PTPRG: variants seen among roughly 807,000 people sequenced by gnomAD.
The protein encoded by PTPRG is protein tyrosine phosphatase receptor type G.
Under a neutral mutation model 165.3 loss-of-function variants are expected in PTPRG, and 102 were observed. The observed-to-expected ratio is 0.62, with a 90% CI of 0.53 to 0.73. PTPRG has a LOEUF of 0.73. Ranked by LOEUF, PTPRG falls within the 30% of genes least tolerant of loss-of-function variation. The pLI, the probability that PTPRG is intolerant of heterozygous loss-of-function variation, is 0.00. For missense variants in PTPRG, 1,866 were observed against 1,861.4 expected (o/e 1.00, Z -0.05); for synonymous variants, 675 against 669.5 (o/e 1.01, Z -0.13).
At chr3:61,737,965 G>C (rs893853092) in intron 1 of PTPRG, among the ~76,000 whole-genome samples, 2 of 149,546 alleles carry the variant, frequency 1.3e-5, no homozygotes, top group Non-Finnish European at 3.0e-5. Context: ...CTGGAGTGCA[G>C]TGGCGCGATC....
At chr3:61,886,965 A>G (rs986719635) in intron 2 of PTPRG, among the ~76,000 whole-genome samples, 1 of 151,298 alleles carries the variant, frequency 6.6e-6, no homozygotes, top group South Asian at 2.1e-4. Flanking sequence ...AACAGCGCAC[A>G]GTGTTCATGG....
intron 4 of PTPRG, among the ~76,000 whole-genome samples, chr3:62,030,278 C>G (rs1699723092): frequency 6.6e-6 from 1 of 151,772 alleles, no homozygotes; most frequent in Non-Finnish European, 1.5e-5. Context: ...CCCTCTCACC[C>G]AAAGCTTAAT....
At position 61,562,203 on chromosome 3, in the gene PTPRG, G is replaced by A. The variant is rs1699773126; in HGVS notation, c.-85G>A. On this transcript the variant is annotated 5_prime_UTR_variant, in exon 1 of 30. Coordinates refer to ENST00000474889, the MANE Select transcript of PTPRG (RefSeq NM_002841.4). The stretch of plus-strand genomic sequence containing the variant: ...GCGGGCGAGCCGGGGAAGCGCCCCG[G>A]CTTAGCGGAGGCTCGCACGGAGGCA... 1.6e-6 allele frequency: 2 copies of A among 1,288,114 alleles called. No homozygotes were observed. Among genetic ancestry groups the A allele is most frequent in the Middle Eastern group, 2.2e-4 (1 of 4,594 alleles). 79.8% of individuals were successfully genotyped at this position (1,288,114 alleles called of 1,614,324 possible).
At chr3:61,920,508 G>C (rs1379222862) in intron 2 of PTPRG, among the ~76,000 whole-genome samples, 1 of 152,138 alleles carries the variant, frequency 6.6e-6, no homozygotes, top group African/African-American at 2.4e-5. Context: ...TAATTCTCCT[G>C]CCTCAGCCTC....
chr3:61,577,817 T>C (rs1323041702), intron 1 of PTPRG, among the ~76,000 whole-genome samples: 1 of 152,190 alleles, frequency 6.6e-6, no homozygotes. Flanking sequence ...CTTCAAAATG[T>C]AGGGCTAAGA....
At chr3:62,284,051 A>G (rs1422456052) in intron 28 of PTPRG, among the ~76,000 whole-genome samples, 1 of 152,118 alleles carries the variant, frequency 6.6e-6, no homozygotes, top group African/African-American at 2.4e-5. Context: ...CAGTTACAGC[A>G]TAAAGTTAGG....
rs116644504 is a variant in PTPRG, at chr3:62,164,532, G to A, written c.841-3439G>A. Among the ~76,000 whole-genome samples the A allele has an allele frequency of 4.7e-3, 713 of 152,178 alleles. 4 individuals are homozygous for A. The highest frequency in any genetic ancestry group is 0.015 in the African/African-American group (622 of 41,506). ...AAGCTCGTCCTCCTTTCCCTCTTTT[G>A]TATGACTGTCAAGCGCAACTGTGAT... On this transcript the variant is annotated intron_variant, in intron 7 of 29. Transcript: ENST00000474889.
chr3:61,640,388 C>A (rs551024461), intron 1 of PTPRG, among the ~76,000 whole-genome samples: 1 of 152,260 alleles, frequency 6.6e-6, no homozygotes, highest in East Asian at 1.9e-4. Context: ...GCTTTCTCTC[C>A]AGTGTATATG....
chr3:61,672,119 A>G (rs1703026131), intron 1 of PTPRG, among the ~76,000 whole-genome samples: 1 of 144,724 alleles, frequency 6.9e-6, no homozygotes, highest in Admixed American at 6.8e-5. Context: ...ATCTCAGACG[A>G]TGGGCGGCCG....
intron 2 of PTPRG, among the ~76,000 whole-genome samples, chr3:61,904,983 CTTTTCCTGCACTTTGATGAAGG>C (rs2038605612): frequency 6.6e-6 from 1 of 151,750 alleles, no homozygotes; most frequent in African/African-American, 2.4e-5. Context: ...TGCTGTCTGT[CTTTTCCTGCACTTTGATGAAGG>C]AAAGGCTTTT....
chr3:61,964,160 A>G (rs2040216790), intron 2 of PTPRG, among the ~76,000 whole-genome samples: 3 of 152,230 alleles, frequency 2.0e-5, no homozygotes, highest in Admixed American at 6.5e-5. Flanking sequence ...TTAATGTGTT[A>G]TCTTTTCAGA....
At chr3:62,187,284 C>T (rs1699687205) in intron 8 of PTPRG, among the ~76,000 whole-genome samples, 1 of 152,190 alleles carries the variant, frequency 6.6e-6, no homozygotes, top group Admixed American at 6.5e-5. Context: ...GAATTCAGTG[C>T]CAAGAATACA....
chr3:61,768,603 G>C (rs2034108963), intron 2 of PTPRG, among the ~76,000 whole-genome samples: 1 of 152,170 alleles, frequency 6.6e-6, no homozygotes. Context: ...CTGTGACCAT[G>C]GAAGATTGGG....
At chr3:61,612,462 G>A (rs17065078) in intron 1 of PTPRG, among the ~76,000 whole-genome samples, 1 of 152,114 alleles carries the variant, frequency 6.6e-6, no homozygotes, top group Non-Finnish European at 1.5e-5. Flanking sequence ...GGTAGTTCTC[G>A]GCAGTACTGC....
At chr3:62,081,309 CATAG>C (rs1361608594) in intron 5 of PTPRG, among the ~76,000 whole-genome samples, 2 of 151,612 alleles carry the variant, frequency 1.3e-5, no homozygotes, top group African/African-American at 4.9e-5. Flanking sequence ...CATAATTTTA[CATAG>C]ATAGCAGCTG....
rs1419741561 is a variant in PTPRG at position 62,273,955 on chromosome 3, A to G, written c.3465+111A>G. 3.7e-6 allele frequency: 4 copies of G among 1,074,986 alleles called. No homozygotes were observed. Among genetic ancestry groups the G allele is most frequent in the African/African-American group, 3.2e-5 (2 of 62,806 alleles). The allele number at this position is 1,074,986 out of a possible 1,614,324, so 66.6% of individuals were successfully genotyped here. The stretch of plus-strand genomic sequence containing the variant: ...AATGTATACACCGAAATGGATTACT[A>G]TTTGTACTCCTTGTACTCCTTAAAT... On this transcript the variant is annotated intron_variant, in intron 23 of 29. Coordinates refer to ENST00000474889, the MANE Select transcript of PTPRG (RefSeq NM_002841.4). The surrounding 1 kb of genome is among the most constrained non-coding windows in gnomAD (Gnocchi z 4.1).
chr3:61,804,075 T>A (rs1980281), intron 2 of PTPRG, among the ~76,000 whole-genome samples: 1 of 152,150 alleles, frequency 6.6e-6, no homozygotes, highest in South Asian at 2.1e-4. Flanking sequence ...CCAGGGCTCC[T>A]GGGAAAAAGC....
chr3:62,019,332 G>T (rs764295514), intron 4 of PTPRG, among the ~76,000 whole-genome samples: 7 of 152,006 alleles, frequency 4.6e-5, no homozygotes, highest in Non-Finnish European at 8.8e-5. Context: ...GACCACCCTG[G>T]GCTACATGGG....
intron 1 of PTPRG, among the ~76,000 whole-genome samples, chr3:61,571,936 G>C (rs149145523): frequency 3.3e-5 from 5 of 152,114 alleles, no homozygotes; most frequent in Admixed American, 2.0e-4. Flanking sequence ...AATTTCTTTC[G>C]GGTTGTTTGC....
Sources: gnomAD v4.1 joint callset for allele counts (sites outside exome capture counted in the v4.1 genomes callset) on GRCh38, gnomAD v4.1.1 for gene constraint, Gnocchi (gnomAD v3.1) non-coding constraint, MANE v1.5 for transcripts, NCBI Gene and HGNC (gene_info 2026-07-23, HGNC 2026-07-21) for gene names.